Variants in DCLRE1C observed in about 807,000 individuals in gnomAD.
DCLRE1C encodes the protein protein artemis.
A neutral mutation model predicts 61.4 loss-of-function variants in DCLRE1C; 47 were observed. The observed-to-expected ratio is 0.77, with a 90% confidence interval of 0.61 to 0.98. DCLRE1C has a LOEUF of 0.98. Among genes scored for constraint, DCLRE1C ranks in the 50% least tolerant of loss-of-function variants. DCLRE1C has a pLI of 0.00. For missense variants in DCLRE1C, 858 were observed against 816.0 expected (o/e 1.05, Z -0.63); for synonymous variants, 337 against 287.6 (o/e 1.17, Z -1.74).
intron 10 of DCLRE1C, 150 bp from the exon 11 acceptor site, chr10:14,927,047 A>T (rs966472494): frequency 2.9e-6 from 2 of 701,162 alleles, no homozygotes; most frequent in Non-Finnish European, 5.0e-6. Flanking sequence ...CTAAATCAGG[A>T]ATTTCTTCTT....
At chr10:14,954,256 T>C (rs1226218448), upstream of DCLRE1C, 6 of 611,076 alleles carry the variant, frequency 9.8e-6, no homozygotes, top group South Asian at 1.9e-5. Flanking sequence ...CCCTGAGCCC[T>C]GCCCAGTGCA....
intron 13 of DCLRE1C, among the ~76,000 whole-genome samples, chr10:14,914,256 A>G (rs72772441): frequency 0.012 from 1,820 of 152,348 alleles, 12 homozygotes; most frequent in Non-Finnish European, 0.017. Context: ...AGTAGATTGT[A>G]GAACTAAGAA....
intron 11 of DCLRE1C, among the ~76,000 whole-genome samples, chr10:14,926,249 G>T (rs1837957187): frequency 6.6e-6 from 1 of 152,100 alleles, no homozygotes; most frequent in African/African-American, 2.4e-5. Flanking sequence ...TGCACGTCAG[G>T]TGATTCAAAA....
At position 14,939,849 on chromosome 10, in the gene DCLRE1C, A is replaced by C. The variant is rs375091202; in HGVS notation, c.267T>G (p.Thr89=). ...KKRIISIEIE[T]PTQISLVDEA... The stretch of plus-strand genomic sequence containing the variant: ...CATCCACTAAAGATATCTGGGTAGG[A>C]GTCTCGATTTCAATAGATATCTATA... The change falls in exon 4 of 14, where the codon ACT becomes ACG. Residue 89 remains threonine, a synonymous_variant. Coordinates refer to ENST00000378278, the MANE Select transcript of DCLRE1C (RefSeq NM_001033855.3). 5 of 1,597,544 alleles carry C rather than the reference A, an allele frequency of 3.1e-6. No individual in the cohort carries two copies. In the Admixed American group the frequency reaches 5.0e-5, roughly 16 times the overall value.
At chr10:14,935,124 G>A (rs1434430603) in intron 6 of DCLRE1C, among the ~76,000 whole-genome samples, 1 of 151,698 alleles carries the variant, frequency 6.6e-6, no homozygotes, top group African/African-American at 2.4e-5. Context: ...AAAGTGCTGG[G>A]ATTACACCCG....
downstream of DCLRE1C, among the ~76,000 whole-genome samples, chr10:14,901,887 G>A (rs184472533): frequency 9.2e-5 from 14 of 151,922 alleles, no homozygotes; most frequent in Non-Finnish European, 2.1e-4. Context: ...ATATTCAAAA[G>A]ATTGAAAATA....
At chr10:14,949,330 A>G (rs1347837943) in intron 1 of DCLRE1C, among the ~76,000 whole-genome samples, 2 of 152,216 alleles carry the variant, frequency 1.3e-5, no homozygotes, top group African/African-American at 2.4e-5. Flanking sequence ...TCTGTGCATC[A>G]TAGGCCAGAG....
intron 1 of DCLRE1C, among the ~76,000 whole-genome samples, chr10:14,950,015 G>A (rs1425595107): frequency 3.3e-5 from 5 of 151,572 alleles, no homozygotes; most frequent in Non-Finnish European, 5.9e-5. Flanking sequence ...ACTGCACTTC[G>A]GCCTGGGCGA....
downstream of DCLRE1C, chr10:14,903,230 C>T (rs1834139944): frequency 6.6e-6 from 1 of 152,080 alleles, no homozygotes; most frequent in African/African-American, 2.4e-5. Context: ...AAATGGCTAG[C>T]CATTATGCTT....
chr10:14,908,229 C>T lies in DCLRE1C; in HGVS notation c.*179G>A, dbSNP rs188107018. On this transcript the variant is annotated 3_prime_UTR_variant, in exon 14 of 14. Transcript: ENST00000378278. The stretch of plus-strand genomic sequence containing the variant: ...TTCACTGTGTTGGCCAGGCTGGTGT[C>T]GAACTCCTGGGCTCAAGCCATTGCC... 3.9e-4 allele frequency: 175 copies of T among 452,274 alleles called. No homozygotes were observed. Among genetic ancestry groups the T allele is most frequent in the African/African-American group, 3.1e-3 (131 of 42,100 alleles). 28.0% of individuals were successfully genotyped at this position (452,274 alleles called of 1,614,324 possible). A position where few individuals can be genotyped will look rare whatever the true frequency, so the allele number is the denominator to read the frequency against.
intron 13 of DCLRE1C, among the ~76,000 whole-genome samples, 162 bp from the exon 14 acceptor site, chr10:14,909,492 TC>T (rs933783776): frequency 6.6e-6 from 1 of 152,098 alleles, no homozygotes; most frequent in African/African-American, 2.4e-5. Context: ...TTAACTGCCA[TC>T]CTTCAACTTT....
intron 4 of DCLRE1C, among the ~76,000 whole-genome samples, 168 bp downstream of exon 4, chr10:14,939,642 T>G (rs1201366128): frequency 1.3e-5 from 2 of 152,102 alleles, no homozygotes; most frequent in Non-Finnish European, 2.9e-5. Flanking sequence ...AAAACCCCAC[T>G]CAATGACTAG....
chr10:14,949,203 A>G (rs950997637), intron 1 of DCLRE1C, 116 bp from the exon 2 acceptor site: 4 of 727,902 alleles, frequency 5.5e-6, no homozygotes, highest in Non-Finnish European at 9.6e-6. Context: ...GTTTGCTTTT[A>G]TAAGAATTGA....
At chr10:14,949,292 A>G (rs1842120017) in intron 1 of DCLRE1C, among the ~76,000 whole-genome samples, 1 of 152,196 alleles carries the variant, frequency 6.6e-6, no homozygotes, top group Non-Finnish European at 1.5e-5. Flanking sequence ...TTTCTGAGCC[A>G]TCCAAGTCAA....
At chr10:14,898,048 T>G (rs1833711045) in exon 14 of DCLRE1C, 1 of 151,434 alleles carries the variant, frequency 6.6e-6, no homozygotes. Flanking sequence ...AAAACTACCA[T>G]ACAAATACTA....
chr10:14,909,099 A>C lies in DCLRE1C; in HGVS notation c.1388T>G (p.Val463Gly). The change falls in exon 14 of 14, where the codon GTA becomes GGA. Residue 463 changes from valine to glycine, a missense_variant. By Grantham distance (109) the Val-to-Gly change is moderately radical. Around this residue, in one of 2 missense-constraint regions of DCLRE1C, gnomAD observed 843 missense variants for 783.5 expected, o/e 1.08. Transcript: ENST00000378278. ...TCCTTGCAGTGAAGCTGGGATTCCT[A>C]CTTCTTCTTCACTTTCACTGTTGGA... ...EESNSESEEE[V>G]GIPASLQGDL... is the part of the protein sequence containing the mutation. The C allele has an allele frequency of 6.2e-7, 1 of 1,614,204 alleles. No individual in the cohort carries two copies. Among genetic ancestry groups the C allele is most frequent in the Non-Finnish European group, 8.5e-7 (1 of 1,180,042 alleles).
intron 13 of DCLRE1C, among the ~76,000 whole-genome samples, chr10:14,909,982 C>A (rs931724782): frequency 3.3e-5 from 5 of 151,734 alleles, no homozygotes; most frequent in Admixed American, 6.6e-5. Context: ...CTTAGAAAAA[C>A]AAATATTTTC....
At chr10:14,952,049 T>C (rs1182777985) in intron 1 of DCLRE1C, among the ~76,000 whole-genome samples, 1 of 152,182 alleles carries the variant, frequency 6.6e-6, no homozygotes, top group Non-Finnish European at 1.5e-5. Context: ...AAAAAGTTGT[T>C]ATAGACTGTT....
Position 14,933,212 on chromosome 10 carries a change from G to A in DCLRE1C, c.679-257C>T, listed in dbSNP as rs567963571. 6.6e-5 allele frequency among the ~76,000 whole-genome samples: 10 copies of A among 152,310 alleles called. No homozygotes were observed. In the East Asian group the frequency reaches 1.3e-3, roughly 21 times the overall value. On this transcript the variant is annotated intron_variant, in intron 8 of 13. Coordinates refer to ENST00000378278, the MANE Select transcript of DCLRE1C (RefSeq NM_001033855.3). The stretch of plus-strand genomic sequence containing the variant: ...ACTCGGCTCAGGGATGTCATTTAAT[G>A]ATGTTAATGTTGTCCTTCAGTCCTT...
Sources: allele counts gnomAD v4.1 joint callset (sites outside exome capture counted in the v4.1 genomes callset), GRCh38; gene constraint gnomAD v4.1.1; regional missense constraint gnomAD v4.1.1; transcripts MANE v1.5; gene names NCBI Gene and HGNC (gene_info 2026-07-23, HGNC 2026-07-21).